TET3: variants seen among roughly 807,000 people sequenced by gnomAD.
The protein encoded by TET3 is tet methylcytosine dioxygenase 3, also known as methylcytosine dioxygenase TET3.
In TET3, 19 loss-of-function variants were observed where a neutral mutation model predicts 141.4. That is an observed-to-expected ratio of 0.13 (90% confidence interval 0.09 to 0.20). The LOEUF is 0.20. Among genes scored for constraint, TET3 ranks in the 10% least tolerant of loss-of-function variants. The pLI, the probability that TET3 is intolerant of heterozygous loss-of-function variation, is 1.00. For synonymous variants in TET3, 1,043 were observed against 980.9 expected, an observed-to-expected ratio of 1.06 and a Z score of -1.18; for missense variants, 1,874 against 2,356.9, an observed-to-expected ratio of 0.80 and a Z score of 4.24.
chr2:74,076,441 GTTTTTTTTTTTTTT>G (rs70965785), intron 5 of TET3, among the ~76,000 whole-genome samples: 8 of 56,554 alleles, frequency 1.4e-4, no homozygotes, highest in Non-Finnish European at 2.0e-4. Context: ...ATTCCTCTGG[GTTTTTTTTTTTTTT>G]TTTTTTTTTT....
At chr2:74,092,568 C>T (rs1294694136) in intron 8 of TET3, among the ~76,000 whole-genome samples, 1 of 152,154 alleles carries the variant, frequency 6.6e-6, no homozygotes, top group African/African-American at 2.4e-5. Context: ...CTGTGCCGCA[C>T]CTCTGACCTA....
chr2:74,047,876 C>T lies in TET3; in HGVS notation c.1959C>T (p.Gly653=), dbSNP rs763236281. 12 of 1,612,914 alleles carry T rather than the reference C, an allele frequency of 7.4e-6. No individual in the cohort carries two copies. The highest frequency in any genetic ancestry group is 8.5e-6 in the Non-Finnish European group (10 of 1,179,442). ...CGGCCCCTCTGCCTGCCTCACAGGG[C>T]TCTGCTGTGCCCCTGCCCCCAGAAC... ...HPPAPLPASQ[G]SAVPLPPEPS... Residue 653 remains glycine (G), a synonymous_variant, in exon 4 of 12, where the codon GGC becomes GGT. Coordinates refer to ENST00000409262, the MANE Select transcript of TET3 (RefSeq NM_001287491.2).
At chr2:74,115,124 G>C in the TET3 span, among the ~76,000 whole-genome samples, 1 of 152,082 alleles carries the variant, frequency 6.6e-6, no homozygotes, top group South Asian at 2.1e-4. Context: ...CATACTAAAA[G>C]CTTCTGCACA....
At position 74,087,716 on chromosome 2, in the gene TET3, A is replaced by T. The variant is rs1185159657; in HGVS notation, c.2680-114A>T. The T allele has an allele frequency of 9.7e-7, 1 of 1,026,354 alleles. No individual in the cohort carries two copies. The highest frequency in any genetic ancestry group is 1.6e-5 in the African/African-American group (1 of 61,848). 63.6% of individuals were successfully genotyped at this position (1,026,354 alleles called of 1,614,324 possible). A position where few individuals can be genotyped will look rare whatever the true frequency, so the allele number is the denominator to read the frequency against. On this transcript the variant is annotated intron_variant, in intron 6 of 11. Transcript: ENST00000409262. The surrounding 1 kb of genome is among the most constrained non-coding windows in gnomAD (Gnocchi z 4.3). ...GCTGTCTTCAGGGCATGACATCCCT[A>T]GAACCCTGCCGTTAAGACCTGCACC...
chr2:74,038,656 G>A (rs1687190969), intron 3 of TET3, among the ~76,000 whole-genome samples: 1 of 152,182 alleles, frequency 6.6e-6, no homozygotes, highest in Non-Finnish European at 1.5e-5. Flanking sequence ...TCAAAGTATA[G>A]GGGTGATGAG....
intron 3 of TET3, among the ~76,000 whole-genome samples, chr2:74,025,223 C>CA (rs1195395463): frequency 0.069 from 4,457 of 64,644 alleles, 129 homozygotes; most frequent in African/African-American, 0.093. Flanking sequence ...GACTCCGCCT[C>CA]AAAAAAAAAA....
At chr2:74,135,384 C>T in the TET3 span, 2 of 806,540 alleles carry the variant, frequency 2.5e-6, no homozygotes, top group South Asian at 1.7e-5. Flanking sequence ...AATAAAGGAA[C>T]CTGAAACATT....
intron 2 of TET3, 188 bp from the exon 3 acceptor site, chr2:74,002,922 G>T: frequency 3.3e-6 from 2 of 612,010 alleles, no homozygotes; most frequent in East Asian, 2.8e-5. Flanking sequence ...AGGCGGGGGA[G>T]CCTGTCTGCC....
rs1691391135 is a variant in TET3 at position 74,104,372 on chromosome 2, A to G, written c.*2196A>G. On this transcript the variant is annotated 3_prime_UTR_variant, in exon 12 of 12. Coordinates refer to ENST00000409262, the MANE Select transcript of TET3 (RefSeq NM_001287491.2). The stretch of plus-strand genomic sequence containing the variant: ...GAAAACCTCTGACCTTCAGTTTGAC[A>G]AGCTAAAGGAAGCAGAGTCTTTAAT... 1 of 152,224 alleles carries G rather than the reference A, an allele frequency of 6.6e-6. No individual in the cohort carries two copies. Among genetic ancestry groups the G allele is most frequent in the African/African-American group, 2.4e-5 (1 of 41,456 alleles). 9.4% of individuals were successfully genotyped at this position (152,224 alleles called of 1,614,324 possible).
rs924177855 is a variant in TET3 at position 74,103,396 on chromosome 2, T to A, written c.*1220T>A. ...CTATCCTGATCCCTGAATTTCCACA[T>A]TGGACAATGGTGCATGCCTCACACC... On this transcript the variant is annotated 3_prime_UTR_variant, in exon 12 of 12. Transcript: ENST00000409262. The A allele has an allele frequency of 1.3e-5, 2 of 152,240 alleles. No homozygotes were observed. Among genetic ancestry groups the A allele is most frequent in the African/African-American group, 4.8e-5 (2 of 41,436 alleles). The allele number at this position is 152,240 out of a possible 1,614,324, so 9.4% of individuals were successfully genotyped here. A position where few individuals can be genotyped will look rare whatever the true frequency, so the allele number is the denominator to read the frequency against.
At chr2:74,025,444 C>T (rs1457753579) in intron 3 of TET3, among the ~76,000 whole-genome samples, 4 of 151,574 alleles carry the variant, frequency 2.6e-5, no homozygotes, top group Admixed American at 1.3e-4. Flanking sequence ...CCCACCACCA[C>T]GCCCGGCTAA....
intron 2 of TET3, among the ~76,000 whole-genome samples, chr2:74,002,367 C>T (rs1287298419): frequency 1.4e-5 from 2 of 142,072 alleles, no homozygotes; most frequent in African/African-American, 2.5e-5. Flanking sequence ...GGGAATCCCC[C>T]CCCACCCCCC....
At chr2:73,988,993 T>TTTTG (rs1277194587) in intron 2 of TET3, among the ~76,000 whole-genome samples, 1 of 135,250 alleles carries the variant, frequency 7.4e-6, no homozygotes, top group East Asian at 2.0e-4. Flanking sequence ...AAAAAAAGTT[T>TTTTG]TTTTTGTTTT....
In TET3 at chr2:74,046,822, CCAGG is replaced by C; in HGVS notation, c.907_910del (p.Arg303SerfsTer41). On this transcript the variant is annotated frameshift_variant, in exon 4 of 12. Transcript: ENST00000409262. LOFTEE classifies it high-confidence loss of function. The surrounding 1 kb of genome is among the most constrained non-coding windows in gnomAD (Gnocchi z 4.3). ...GTCATGGAAGGAGGGGAGGAGCGGC[CCAGG>C]CTCCCAGGGCCTCTGCCTCCTGGTG... 1 of 1,613,262 alleles carries C rather than the reference CCAGG, an allele frequency of 6.2e-7. No homozygotes were observed. The highest frequency in any genetic ancestry group is 8.5e-7 in the Non-Finnish European group (1 of 1,179,860).
chr2:74,067,525 G>T lies in TET3; in HGVS notation c.2495-6024G>T, dbSNP rs145712644. On this transcript the variant is annotated intron_variant, in intron 4 of 11. Coordinates refer to ENST00000409262, the MANE Select transcript of TET3 (RefSeq NM_001287491.2). The stretch of plus-strand genomic sequence containing the variant: ...GCCCAGGTTTCCGTCTGCAAGATCA[G>T]TATTTGTTATTCTGTGCTACATTAA... Among the ~76,000 whole-genome samples, 7 of 152,332 alleles carry T rather than the reference G, an allele frequency of 4.6e-5. No homozygotes were observed. In the East Asian group the frequency reaches 1.3e-3, roughly 29 times the overall value.
At chr2:74,076,117 C>G (rs1689489229) in intron 5 of TET3, among the ~76,000 whole-genome samples, 1 of 151,790 alleles carries the variant, frequency 6.6e-6, no homozygotes, top group Non-Finnish European at 1.5e-5. Context: ...AAACAAGGAT[C>G]AAGAGATCTT....
chr2:74,090,077 C>G (rs1482616540), intron 8 of TET3, 30 bp downstream of exon 8: 5 of 1,609,218 alleles, frequency 3.1e-6, no homozygotes, highest in African/African-American at 1.3e-5. Flanking sequence ...GACCCTGCCT[C>G]CCATCCTTTC....
intron 3 of TET3, among the ~76,000 whole-genome samples, chr2:74,032,554 C>T (rs1456540256): frequency 3.0e-5 from 4 of 135,576 alleles, no homozygotes; most frequent in African/African-American, 1.2e-4. Flanking sequence ...GAGCTGCCTC[C>T]GCGTCATGAC....
intron 3 of TET3, among the ~76,000 whole-genome samples, chr2:74,011,513 G>A (rs1685432680): frequency 6.6e-6 from 1 of 152,190 alleles, no homozygotes; most frequent in Non-Finnish European, 1.5e-5. Flanking sequence ...ACCTATGTGG[G>A]TGCTCCTGAA....
Sources: gnomAD v4.1 joint callset for allele counts (sites outside exome capture counted in the v4.1 genomes callset) on GRCh38, gnomAD v4.1.1 for gene constraint, Gnocchi (gnomAD v3.1) non-coding constraint, MANE v1.5 for transcripts, NCBI Gene and HGNC (gene_info 2026-07-23, HGNC 2026-07-21) for gene names.